RBBP4: variants seen among roughly 807,000 people sequenced by gnomAD.
RBBP4 encodes RB binding protein 4, chromatin remodeling factor, also known as histone-binding protein RBBP4.
A neutral mutation model predicts 57.2 loss-of-function variants in RBBP4; 3 were observed. That is an observed-to-expected ratio of 0.05 (90% confidence interval 0.02 to 0.14). The LOEUF is 0.14. Ranked by LOEUF, RBBP4 falls within the 10% of genes least tolerant of loss-of-function variation. The pLI is 1.00. For missense variants in RBBP4, 107 were observed against 520.6 expected (o/e 0.21, Z 7.73); for synonymous variants, 151 against 171.5 (o/e 0.88, Z 0.93).
chr1:32,670,954 CTT>C (rs1415395968), intron 8 of RBBP4, among the ~76,000 whole-genome samples: 2 of 152,138 alleles, frequency 1.3e-5, no homozygotes, highest in African/African-American at 4.8e-5. Context: ...TACCCTATCT[CTT>C]TGCTTTGCTT....
chr1:32,671,982 T>A (rs1648897659), intron 8 of RBBP4, among the ~76,000 whole-genome samples: 1 of 151,788 alleles, frequency 6.6e-6, no homozygotes, highest in Non-Finnish European at 1.5e-5. Context: ...GTTGTTTTTG[T>A]AAACATTTTT....
rs960179385 is a variant in RBBP4, at chr1:32,669,983, A to G, written c.966+420A>G. On this transcript the variant is annotated intron_variant, in intron 8 of 11. Transcript: ENST00000373493. This position sits in a 1 kb window ranked among gnomAD's most constrained non-coding sequence, Gnocchi z 4.9. Reference sequence around the variant, plus strand: ...AAATAGAAATCTATATGCCTATGCTACTTTCTGTGGGAATTGTTTTTTCTT... The same window carrying G: ...AAATAGAAATCTATATGCCTATGCTGCTTTCTGTGGGAATTGTTTTTTCTT... Among the ~76,000 whole-genome samples, 1 of 152,216 alleles carries G rather than the reference A, an allele frequency of 6.6e-6. No homozygotes were observed. The highest frequency in any genetic ancestry group is 6.5e-5 in the Admixed American group (1 of 15,272).
At chr1:32,672,189 C>T (rs1443842955) in intron 8 of RBBP4, among the ~76,000 whole-genome samples, 6 of 151,856 alleles carry the variant, frequency 4.0e-5, no homozygotes, top group Non-Finnish European at 5.9e-5. Flanking sequence ...AGTGTTTCAC[C>T]ATGTTGGTTA....
In RBBP4 at chr1:32,685,877, ATTAACT is replaced by A. The variant is rs985312491; in HGVS notation, c.*6176_*6181del. The A allele has an allele frequency of 3.3e-5, 5 of 152,292 alleles. No individual in the cohort carries two copies. Among genetic ancestry groups the A allele is most frequent in the South Asian group, 2.1e-4 (1 of 4,818 alleles). The allele number at this position is 152,292 out of a possible 1,614,324, so 9.4% of individuals were successfully genotyped here. ...CTCTTAATCCTGTGTTAACCACTAG[ATTAACT>A]TTACAATCAACTCAAAATCCTTCAA... is the stretch of plus-strand genomic sequence containing the variant. On this transcript the variant is annotated 3_prime_UTR_variant, in exon 12 of 12. Transcript: ENST00000373493.
chr1:32,677,619 A>G (rs550035380), intron 11 of RBBP4, among the ~76,000 whole-genome samples: 1 of 152,306 alleles, frequency 6.6e-6, no homozygotes, highest in South Asian at 2.1e-4. Context: ...AGAAGTGTGC[A>G]GGTAGCCTGG....
chr1:32,668,649 C>A, intron 4 of RBBP4, 90 bp from the exon 5 acceptor site: 2 of 1,050,394 alleles, frequency 1.9e-6, no homozygotes, highest in Non-Finnish European at 1.4e-6. Flanking sequence ...ATGTTAAGAG[C>A]TTTAGACATC....
intron 3 of RBBP4, among the ~76,000 whole-genome samples, chr1:32,666,279 T>A (rs1648642801): frequency 6.6e-6 from 1 of 152,240 alleles, no homozygotes. Context: ...TTTAGCACAC[T>A]GTGTACTTAA....
At chr1:32,667,732 C>T (rs998019444) in intron 3 of RBBP4, among the ~76,000 whole-genome samples, 1 of 152,184 alleles carries the variant, frequency 6.6e-6, no homozygotes, top group African/African-American at 2.4e-5. Context: ...GGAATTGTTT[C>T]CAAGACCTCC....
intron 11 of RBBP4, chr1:32,673,587 A>ATAG: frequency 3.2e-6 from 1 of 313,574 alleles, no homozygotes; most frequent in South Asian, 2.4e-5. Flanking sequence ...ATAGGTGCGT[A>ATAG]CCACCATGCC....
In RBBP4 at chr1:32,680,141, A is replaced by T; in HGVS notation, c.*436A>T. ...CAGGAAATAGGGGGAGATTCAAGTCATATAGATTCCTACTCGAAAATCTTG... is the reference window on the plus strand; with the variant it reads ...CAGGAAATAGGGGGAGATTCAAGTCTTATAGATTCCTACTCGAAAATCTTG... On this transcript the variant is annotated 3_prime_UTR_variant, in exon 12 of 12. Transcript: ENST00000373493. 2 of 1,074,664 alleles carry T rather than the reference A, an allele frequency of 1.9e-6. No individual in the cohort carries two copies. The highest frequency in any genetic ancestry group is 2.2e-6 in the Non-Finnish European group (2 of 889,172). 66.6% of individuals were successfully genotyped at this position (1,074,664 alleles called of 1,614,324 possible). A position where few individuals can be genotyped will look rare whatever the true frequency, so the allele number is the denominator to read the frequency against.
chr1:32,660,427 T>TTTATTTTTATTTATTTA (rs1553194486), intron 3 of RBBP4, among the ~76,000 whole-genome samples: 4 of 150,658 alleles, frequency 2.7e-5, no homozygotes, highest in African/African-American at 9.8e-5. Flanking sequence ...TATTTATTTA[T>TTTATTTTTATTTATTTA]TTTTTTTGAG....
rs954692163 is a variant in RBBP4 at position 32,685,810 on chromosome 1, A to G, written c.*6105A>G. 1 of 152,226 alleles carries G rather than the reference A, an allele frequency of 6.6e-6. No individual in the cohort carries two copies. Among genetic ancestry groups the G allele is most frequent in the Non-Finnish European group, 1.5e-5 (1 of 68,042 alleles). The allele number at this position is 152,226 out of a possible 1,614,324, so 9.4% of individuals were successfully genotyped here. A position where few individuals can be genotyped will look rare whatever the true frequency, so the allele number is the denominator to read the frequency against. On this transcript the variant is annotated 3_prime_UTR_variant, in exon 12 of 12. Transcript: ENST00000373493. The stretch of plus-strand genomic sequence containing the variant: ...GCTGTGACAGAGTGGAACAGCCTCA[A>G]TGAAATGAAGGAAGGATTGCTACAG...
In RBBP4 at chr1:32,684,086, A is replaced by G. The variant is rs774569806; in HGVS notation, c.*4381A>G. ...GTTCCAGGCTCTTGGGTAGTAGCAT[A>G]GCCCTTTAAAAAGAGAGAGCCATTT... On this transcript the variant is annotated 3_prime_UTR_variant, in exon 12 of 12. Coordinates refer to ENST00000373493, the MANE Select transcript of RBBP4 (RefSeq NM_005610.3). 11 of 1,610,534 alleles carry G rather than the reference A, an allele frequency of 6.8e-6. No individual in the cohort carries two copies. In the Admixed American group the frequency reaches 1.7e-4, roughly 25 times the overall value.
At chr1:32,665,440 G>A (rs1253000665) in intron 3 of RBBP4, among the ~76,000 whole-genome samples, 5 of 152,128 alleles carry the variant, frequency 3.3e-5, no homozygotes, top group African/African-American at 4.8e-5. Flanking sequence ...CACTTTGGGA[G>A]GCTGAAGCGG....
At position 32,669,603 on chromosome 1, in the gene RBBP4, A is replaced by G. The variant is rs1648784693; in HGVS notation, c.966+40A>G. 6.3e-7 allele frequency: 1 copy of G among 1,578,092 alleles called. No individual in the cohort carries two copies. Among genetic ancestry groups the G allele is most frequent in the East Asian group, 2.2e-5 (1 of 44,584 alleles). On this transcript the variant is annotated intron_variant, in intron 8 of 11. Coordinates refer to ENST00000373493, the MANE Select transcript of RBBP4 (RefSeq NM_005610.3). This position sits in a 1 kb window ranked among gnomAD's most constrained non-coding sequence, Gnocchi z 4.9. ...TGCTACTATTTTGTTTGTTTTAAGA[A>G]AAACCTGCTGGGCGCGGTCGCTCAC...
At position 32,656,512 on chromosome 1, in the gene RBBP4, C is replaced by T. The variant is rs572233782; in HGVS notation, c.165-915C>T. Among the ~76,000 whole-genome samples, 8 of 152,200 alleles carry T rather than the reference C, an allele frequency of 5.3e-5. 1 individual carries two copies. Among genetic ancestry groups the T allele is most frequent in the African/African-American group, 1.2e-4 (5 of 41,528 alleles). ...GGACTACAGGCACCGCCACCACACC[C>T]GGCTAATTTTTGTATTTTTAGTAGA... On this transcript the variant is annotated intron_variant, in intron 2 of 11. Transcript: ENST00000373493.
intron 2 of RBBP4, among the ~76,000 whole-genome samples, chr1:32,653,136 G>A (rs1203226519): frequency 6.6e-6 from 1 of 152,088 alleles, no homozygotes; most frequent in African/African-American, 2.4e-5. Flanking sequence ...GCTGTATTTG[G>A]TGCTACATAT....
Position 32,681,944 on chromosome 1 carries a change from GTGTGATTTATGGATGA to G in RBBP4, c.*2241_*2256del. The G allele has an allele frequency of 7.8e-7, 1 of 1,277,270 alleles. No homozygotes were observed. Among genetic ancestry groups the G allele is most frequent in the Non-Finnish European group, 1.1e-6 (1 of 879,248 alleles). 79.1% of individuals were successfully genotyped at this position (1,277,270 alleles called of 1,614,324 possible). On this transcript the variant is annotated 3_prime_UTR_variant, in exon 12 of 12. Coordinates refer to ENST00000373493, the MANE Select transcript of RBBP4 (RefSeq NM_005610.3). ...GCTTTGTTGAGAAGAGATTGTTACA[GTGTGATTTATGGATGA>G]TCAGGGATGACTTTCCCCTAGCAAA...
At position 32,683,169 on chromosome 1, in the gene RBBP4, C is replaced by T. The variant is rs1649560839; in HGVS notation, c.*3464C>T. The T allele has an allele frequency of 4.0e-5, 6 of 150,262 alleles. No homozygotes were observed. The highest frequency in any genetic ancestry group is 2.7e-4 in the Admixed American group (4 of 14,860). 9.3% of individuals were successfully genotyped at this position (150,262 alleles called of 1,614,324 possible). On this transcript the variant is annotated 3_prime_UTR_variant, in exon 12 of 12. Transcript: ENST00000373493. ...TGGTGGTGCGTGCCTATAATCCCAG[C>T]TACTTGGGAGGCTGAGGCAGGGGAA...
Sources: allele counts gnomAD v4.1 joint callset (sites outside exome capture counted in the v4.1 genomes callset), GRCh38; gene constraint gnomAD v4.1.1; non-coding constraint Gnocchi (gnomAD v3.1); transcripts MANE v1.5; gene names NCBI Gene and HGNC (gene_info 2026-07-23, HGNC 2026-07-21).